TRIOBP: variants seen among roughly 807,000 people sequenced by gnomAD.
The protein encoded by TRIOBP is TRIO and F-actin-binding protein.
Under a neutral mutation model 238.8 loss-of-function variants are expected in TRIOBP, and 169 were observed. The observed-to-expected ratio is 0.71, with a 90% CI of 0.62 to 0.80. TRIOBP has a LOEUF of 0.80. TRIOBP is among the 30% of genes least tolerant of loss of function. The pLI is 0.00. For missense variants in TRIOBP, 2,838 were observed against 3,122.6 expected, an observed-to-expected ratio of 0.91 and a Z score of 2.17; for synonymous variants, 1,150 against 1,274.4, an observed-to-expected ratio of 0.90 and a Z score of 2.08.
intron 2 of TRIOBP, among the ~76,000 whole-genome samples, chr22:37,699,634 T>C (rs1922541643): frequency 6.6e-6 from 1 of 151,948 alleles, no homozygotes. Flanking sequence ...CTCCGCCTCC[T>C]GGGTTCAAGT....
intron 3 of TRIOBP, among the ~76,000 whole-genome samples, chr22:37,704,747 A>AGG (rs1922844877): frequency 6.6e-6 from 1 of 151,416 alleles, no homozygotes; most frequent in African/African-American, 2.4e-5. Context: ...AGAGGAAGGA[A>AGG]GGAGAATGTG....
intron 11 of TRIOBP, among the ~76,000 whole-genome samples, chr22:37,748,408 G>C (rs1167704939): frequency 6.6e-6 from 1 of 152,076 alleles, no homozygotes; most frequent in Admixed American, 6.5e-5. Context: ...CACCCCTTTT[G>C]CCTTTGCCTG....
chr22:37,731,563 C>T (rs1334889268), intron 7 of TRIOBP, among the ~76,000 whole-genome samples: 1 of 152,036 alleles, frequency 6.6e-6, no homozygotes, highest in African/African-American at 2.4e-5. Context: ...GTCAAGCGAT[C>T]CTCCTGCCTC....
chr22:37,724,564 G>C lies in TRIOBP; in HGVS notation c.2008G>C (p.Glu670Gln). 6.3e-7 allele frequency: 1 copy of C among 1,599,370 alleles called. No homozygotes were observed. The highest frequency in any genetic ancestry group is 8.5e-7 in the Non-Finnish European group (1 of 1,172,320). ...CTCTCCTAACAGAACCATCCAACAA[G>C]AGAACCCCAGAACATCCTGTGCCCT... ...ASSPNRTIQQ[E>Q]NPRTSCALRD... Residue 670 changes from glutamate (E) to glutamine (Q), a missense_variant, in exon 7 of 24, where the codon GAG (glutamate) becomes CAG (glutamine). Physicochemically the swap from Glu to Gln is conservative, Grantham distance 29. Coordinates refer to ENST00000644935, the MANE Select transcript of TRIOBP (RefSeq NM_001039141.3).
At chr22:37,771,310 G>A (rs1926762771) in intron 21 of TRIOBP, among the ~76,000 whole-genome samples, 1 of 152,172 alleles carries the variant, frequency 6.6e-6, no homozygotes, top group Non-Finnish European at 1.5e-5. Context: ...TTAATGAGGT[G>A]CCTTGTGGAG....
intron 11 of TRIOBP, among the ~76,000 whole-genome samples, chr22:37,745,716 A>G (rs1303059169): frequency 1.3e-5 from 2 of 152,210 alleles, no homozygotes; most frequent in African/African-American, 2.4e-5. Flanking sequence ...CATTAGCAAA[A>G]TAAGACCTCC....
At chr22:37,747,827 T>C (rs1283838532) in intron 11 of TRIOBP, among the ~76,000 whole-genome samples, 1 of 152,192 alleles carries the variant, frequency 6.6e-6, no homozygotes, top group East Asian at 1.9e-4. Flanking sequence ...ACTCAGTGAG[T>C]CCCAGGCTAA....
intron 3 of TRIOBP, among the ~76,000 whole-genome samples, chr22:37,706,038 GGGCT>G (rs1272101258): frequency 6.6e-6 from 1 of 152,116 alleles, no homozygotes; most frequent in Non-Finnish European, 1.5e-5. Flanking sequence ...GAGATGATTG[GGGCT>G]TTGAGATGGA....
chr22:37,705,052 A>C (rs1922862391), intron 3 of TRIOBP, among the ~76,000 whole-genome samples: 1 of 152,132 alleles, frequency 6.6e-6, no homozygotes, highest in South Asian at 2.1e-4. Context: ...CAGCCTGGGC[A>C]ACAGAATGAG....
At chr22:37,704,381 T>TCAGAACAGAACAGAACAGAA (rs71195040) in intron 3 of TRIOBP, among the ~76,000 whole-genome samples, 4 of 137,730 alleles carry the variant, frequency 2.9e-5, no homozygotes, top group African/African-American at 9.0e-5. Flanking sequence ...GGACCCTGAC[T>TCAGAACAGAACAGAACAGAA]CAGAACAGAA....
chr22:37,755,427 C>T (rs1925865167), intron 14 of TRIOBP, 123 bp from the exon 15 acceptor site: 4 of 991,916 alleles, frequency 4.0e-6, no homozygotes, highest in Non-Finnish European at 6.3e-6. Context: ...ACCCCCTGCC[C>T]ACCCCAGACT....
At chr22:37,761,007 G>A (rs960677556) in intron 17 of TRIOBP, among the ~76,000 whole-genome samples, 1 of 151,820 alleles carries the variant, frequency 6.6e-6, no homozygotes, top group African/African-American at 2.4e-5. Flanking sequence ...AAAGAAGGCT[G>A]AGATCTAGGC....
At chr22:37,698,063 G>C (rs985669499) in intron 2 of TRIOBP, among the ~76,000 whole-genome samples, 1 of 151,796 alleles carries the variant, frequency 6.6e-6, no homozygotes, top group Non-Finnish European at 1.5e-5. Context: ...ATCCGGGCAT[G>C]GTGGCACATG....
intron 3 of TRIOBP, among the ~76,000 whole-genome samples, chr22:37,708,247 C>CAAA (rs34560689): frequency 1.3e-4 from 11 of 85,242 alleles, no homozygotes; most frequent in Admixed American, 3.6e-4. Context: ...CTCCGTCTCA[C>CAAA]AAAAAAAAAA....
chr22:37,712,715 G>T (rs983565585), intron 4 of TRIOBP, among the ~76,000 whole-genome samples: 3 of 151,880 alleles, frequency 2.0e-5, no homozygotes, highest in Non-Finnish European at 4.4e-5. Flanking sequence ...CCAGCACTTT[G>T]GGAGTCCGAG....
At position 37,733,335 on chromosome 22, in the gene TRIOBP, G is replaced by A. The variant is rs777487164; in HGVS notation, c.3985G>A (p.Glu1329Lys). Residue 1329 changes from glutamate to lysine, a missense_variant, in exon 8 of 24, where the codon GAG becomes AAG. Glu to Lys is a moderately conservative substitution (Grantham distance 56, BLOSUM62 1). This residue lies in a region of TRIOBP where 2,096 missense variants were observed against 2,137.4 expected (regional missense o/e 0.98). Transcript: ENST00000644935. ...AGCGGGGGCCTTCCAGGCCCAGGAC[G>A]AGGGACGGTCACAGCAGCCCAGCCA... ...EAAGAFQAQD[E>K]GRSQQPSQGQ... is the part of the protein sequence containing the mutation. 11 of 1,551,282 alleles carry A rather than the reference G, an allele frequency of 7.1e-6. No homozygotes were observed. The highest frequency in any genetic ancestry group is 1.7e-4 in the Middle Eastern group (1 of 6,012).
At chr22:37,752,009 T>C (rs1469906525) in intron 12 of TRIOBP, among the ~76,000 whole-genome samples, 181 bp downstream of exon 12, 3 of 151,926 alleles carry the variant, frequency 2.0e-5, no homozygotes, top group African/African-American at 7.3e-5. Context: ...GTAAAAGGGA[T>C]CACAGCAAGG....
At chr22:37,720,651 T>G (rs1923775702) in intron 6 of TRIOBP, among the ~76,000 whole-genome samples, 2 of 152,066 alleles carry the variant, frequency 1.3e-5, no homozygotes, top group African/African-American at 4.8e-5. Flanking sequence ...TGGGTGTAGA[T>G]GAGAGAAACA....
intron 12 of TRIOBP, among the ~76,000 whole-genome samples, chr22:37,753,607 T>C (rs1477629782): frequency 6.6e-6 from 1 of 152,214 alleles, no homozygotes; most frequent in African/African-American, 2.4e-5. Context: ...CCCTACTTTA[T>C]GGTTCAGAAG....
Sources: gnomAD v4.1 joint callset for allele counts (sites outside exome capture counted in the v4.1 genomes callset) on GRCh38, gnomAD v4.1.1 for gene constraint, gnomAD v4.1.1 regional missense constraint, MANE v1.5 for transcripts, NCBI Gene and HGNC (gene_info 2026-07-23, HGNC 2026-07-21) for gene names.